Variants in BDH1 observed in about 807,000 individuals in gnomAD.
BDH1 encodes 3-hydroxybutyrate dehydrogenase 1, also known as D-beta-hydroxybutyrate dehydrogenase, mitochondrial.
BDH1 carries 30 observed loss-of-function variants against 33.1 expected under a neutral mutation model. The ratio of observed to expected loss-of-function variants is 0.91; its 90% CI spans 0.68 to 1.23. The LOEUF (loss-of-function observed/expected upper bound fraction) is 1.23, where lower values mean the gene tolerates loss of function less well. BDH1 is among the 50% of genes most tolerant of loss of function. BDH1 has a pLI of 0.00. For missense variants in BDH1, 443 were observed against 464.4 expected, an observed-to-expected ratio of 0.95 and a Z score of 0.42; for synonymous variants, 190 against 183.6, an observed-to-expected ratio of 1.03 and a Z score of -0.28.
rs1174885476 is a variant in BDH1, at chr3:197,516,192, C to G, written c.410-1776G>C. Among the ~76,000 whole-genome samples the G allele has an allele frequency of 6.6e-6, 1 of 152,332 alleles. No homozygotes were observed. Among genetic ancestry groups the G allele is most frequent in the East Asian group, 1.9e-4 (1 of 5,182 alleles). ...CCCAGATACAAGTGGCCCCCAATGT[C>G]CTGGCCTAATCCTGCTCCTCTCAAA... On this transcript the variant is annotated intron_variant, in intron 6 of 7. Transcript: ENST00000392379. This position sits in a 1 kb window ranked among gnomAD's most constrained non-coding sequence, Gnocchi z 4.2.
Position 197,561,881 on chromosome 3 carries a change from A to G in BDH1, c.-44+11300T>C, listed in dbSNP as rs1484733431. On this transcript the variant is annotated intron_variant, in intron 1 of 6. Transcript: ENST00000358186. The stretch of plus-strand genomic sequence containing the variant: ...ATTTCATTTACTTTTCTTCTACCCT[A>G]TACCTCCTTCCCCCTTTGCCATCTG... Among the ~76,000 whole-genome samples, 7 of 152,284 alleles carry G rather than the reference A, an allele frequency of 4.6e-5. No homozygotes were observed. In the South Asian group the frequency reaches 1.4e-3, roughly 32 times the overall value.
Position 197,514,942 on chromosome 3 carries a change from G to A in BDH1, c.410-526C>T, listed in dbSNP as rs1712531988. On this transcript the variant is annotated intron_variant, in intron 6 of 7. Transcript: ENST00000392379. The surrounding 1 kb of genome is among the most constrained non-coding windows in gnomAD (Gnocchi z 4.2). ...TTCAGTTTGTTGGGGTGCAAAGGCT[G>A]GATGGGTCAGAGCCTCAGGACAGAG... is the stretch of plus-strand genomic sequence containing the variant. Among the ~76,000 whole-genome samples the A allele has an allele frequency of 6.6e-6, 1 of 152,216 alleles. No homozygotes were observed. The highest frequency in any genetic ancestry group is 2.4e-5 in the African/African-American group (1 of 41,460).
chr3:197,549,166 G>C (rs1254527083), intron 2 of BDH1, among the ~76,000 whole-genome samples: 2 of 152,174 alleles, frequency 1.3e-5, no homozygotes, highest in African/African-American at 2.4e-5. Context: ...GTTGCCCTGA[G>C]GTGACTGAGC....
At chr3:197,553,273 G>T (rs958082400) in intron 2 of BDH1, among the ~76,000 whole-genome samples, 1 of 148,904 alleles carries the variant, frequency 6.7e-6, no homozygotes, top group Non-Finnish European at 1.5e-5. Flanking sequence ...GCTCACGCCT[G>T]TAATCCCAGC....
chr3:197,571,121 T>A (rs1311013635), intron 1 of BDH1, among the ~76,000 whole-genome samples: 2 of 152,258 alleles, frequency 1.3e-5, no homozygotes, highest in African/African-American at 4.8e-5. Context: ...TGGACTTTCA[T>A]GGAACCTTTG....
Position 197,516,591 on chromosome 3 carries a change from G to A in BDH1, c.410-2175C>T, listed in dbSNP as rs910767353. ...AGTGGCCCCTCAGTTCTCCTTGGGA[G>A]TCACGGCTCTCTCTCCTCATCCCAT... is the stretch of plus-strand genomic sequence containing the variant. On this transcript the variant is annotated intron_variant, in intron 6 of 7. Transcript: ENST00000392379. This position sits in a 1 kb window ranked among gnomAD's most constrained non-coding sequence, Gnocchi z 4.2. Among the ~76,000 whole-genome samples the A allele has an allele frequency of 2.0e-5, 3 of 152,058 alleles. No individual in the cohort carries two copies. Among genetic ancestry groups the A allele is most frequent in the African/African-American group, 7.2e-5 (3 of 41,384 alleles).
rs982393182 is a variant in BDH1, at chr3:197,520,427, G to A, written c.409+2213C>T. On this transcript the variant is annotated intron_variant, in intron 6 of 7. Coordinates refer to ENST00000392379, the MANE Select transcript of BDH1 (RefSeq NM_203314.3). This position sits in a 1 kb window ranked among gnomAD's most constrained non-coding sequence, Gnocchi z 6.0. Reference sequence around the variant, plus strand: ...TGCTGGGGTTGGAGCCCAGATCCCCGGGCAGGGGGTGAGTGCCTCCCCTCT... The same window carrying A: ...TGCTGGGGTTGGAGCCCAGATCCCCAGGCAGGGGGTGAGTGCCTCCCCTCT... 7.2e-5 allele frequency among the ~76,000 whole-genome samples: 11 copies of A among 152,210 alleles called. No homozygotes were observed. The highest frequency in any genetic ancestry group is 1.4e-4 in the African/African-American group (6 of 41,450).
rs1365605831 is a variant in BDH1, at chr3:197,555,921, C to T, written c.-336G>A. 1 of 152,308 alleles carries T rather than the reference C, an allele frequency of 6.6e-6. No homozygotes were observed. The highest frequency in any genetic ancestry group is 2.4e-5 in the African/African-American group (1 of 41,480). The allele number at this position is 152,308 out of a possible 1,614,324, so 9.4% of individuals were successfully genotyped here. ...CGCAGGGTCTTTCTGGAAGCCCCTCCACCAGCACTCCTGCGGCCTGCGGCC... is the reference window on the plus strand; with the variant it reads ...CGCAGGGTCTTTCTGGAAGCCCCTCTACCAGCACTCCTGCGGCCTGCGGCC... On this transcript the variant is annotated 5_prime_UTR_variant, in exon 1 of 8. Coordinates refer to ENST00000392379, the MANE Select transcript of BDH1 (RefSeq NM_203314.3).
At chr3:197,524,805 T>A (rs1713926294) in intron 5 of BDH1, among the ~76,000 whole-genome samples, 1 of 152,016 alleles carries the variant, frequency 6.6e-6, no homozygotes, top group Non-Finnish European at 1.5e-5. Context: ...ATCCCGGCAT[T>A]GGACAGGAGG....
chr3:197,549,975 T>TTATTTTTATATATATA (rs1553875236), intron 2 of BDH1, among the ~76,000 whole-genome samples: 20 of 146,886 alleles, frequency 1.4e-4, no homozygotes, highest in Non-Finnish European at 2.2e-4. Context: ...CAAATAACTA[T>TTATTTTTATATATATA]TATATATATA....
chr3:197,546,890 C>T lies in BDH1; in HGVS notation c.-43-404G>A, dbSNP rs192857160. Among the ~76,000 whole-genome samples, 84 of 152,334 alleles carry T rather than the reference C, an allele frequency of 5.5e-4. 1 individual carries two copies. The highest frequency in any genetic ancestry group is 2.1e-4 in the Non-Finnish European group (14 of 68,022). Reference sequence around the variant, plus strand: ...TTCCTCTAACCTGCTGAAACACCCACCTGTGGTGCCCCAGGGCATCAGCCT... The same window carrying T: ...TTCCTCTAACCTGCTGAAACACCCATCTGTGGTGCCCCAGGGCATCAGCCT... On this transcript the variant is annotated intron_variant, in intron 2 of 7. Transcript: ENST00000392379.
chr3:197,514,340 C>T lies in BDH1; in HGVS notation c.486G>A (p.Lys162=). The T allele has an allele frequency of 6.2e-7, 1 of 1,613,942 alleles. No homozygotes were observed. Among genetic ancestry groups the T allele is most frequent in the Non-Finnish European group, 8.5e-7 (1 of 1,179,900 alleles). Residue 162 remains lysine, a synonymous_variant, in exon 7 of 8, where the codon AAG becomes AAA. Coordinates refer to ENST00000392379, the MANE Select transcript of BDH1 (RefSeq NM_203314.3). This position sits in a 1 kb window ranked among gnomAD's most constrained non-coding sequence, Gnocchi z 4.2. The part of the protein sequence containing the change: ...EVEFTSLETY[K]QVAEVNLWGT... ...CCCAAAGGTTCACTTCTGCCACCTG[C>T]TTGTAGGTCTCCAGGCTGGTGAACT...
upstream of BDH1, among the ~76,000 whole-genome samples, chr3:197,560,436 C>T (rs111944024): frequency 4.8e-3 from 724 of 152,304 alleles, 5 homozygotes; most frequent in African/African-American, 0.015. Context: ...TCTGCCTTTG[C>T]CTCTTTTAAA....
Position 197,525,575 on chromosome 3 carries a change from G to A in BDH1, c.268-2794C>T, listed in dbSNP as rs957693727. On this transcript the variant is annotated intron_variant, in intron 5 of 7. Coordinates refer to ENST00000392379, the MANE Select transcript of BDH1 (RefSeq NM_203314.3). The surrounding 1 kb of genome is among the most constrained non-coding windows in gnomAD (Gnocchi z 4.9). The stretch of plus-strand genomic sequence containing the variant: ...TCACTGCCCACGGCTTCAGGCTCCC[G>A]AGGAGAGCAACGCTACCCTCCTATC... 2.0e-5 allele frequency among the ~76,000 whole-genome samples: 3 copies of A among 152,150 alleles called. No individual in the cohort carries two copies. Among genetic ancestry groups the A allele is most frequent in the Admixed American group, 6.5e-5 (1 of 15,272 alleles).
upstream of BDH1, among the ~76,000 whole-genome samples, chr3:197,558,966 A>C (rs1428245167): frequency 1.3e-5 from 2 of 151,780 alleles, no homozygotes; most frequent in Admixed American, 6.6e-5. Context: ...TTGCATCCAC[A>C]AAAGCCTGCT....
At chr3:197,552,901 A>G (rs1441152070) in intron 2 of BDH1, among the ~76,000 whole-genome samples, 1 of 152,216 alleles carries the variant, frequency 6.6e-6, no homozygotes. Context: ...TGCCCTGCAC[A>G]CAACAGACAC....
intron 2 of BDH1, 144 bp from the exon 3 acceptor site, chr3:197,546,630 A>T: frequency 3.5e-6 from 2 of 565,382 alleles, no homozygotes; most frequent in Non-Finnish European, 6.3e-6. Flanking sequence ...CAGGTAGTCC[A>T]CTCTGGTTCC....
chr3:197,564,033 C>T (rs906164862), intron 1 of BDH1, among the ~76,000 whole-genome samples: 2 of 139,338 alleles, frequency 1.4e-5, no homozygotes, highest in African/African-American at 2.7e-5. Flanking sequence ...ACCCAGGAAG[C>T]GGAGGTTGCA....
At chr3:197,531,062 G>A (rs971656349) in intron 5 of BDH1, among the ~76,000 whole-genome samples, 10 of 152,152 alleles carry the variant, frequency 6.6e-5, no homozygotes, top group South Asian at 2.1e-4. Context: ...ATAATACAGC[G>A]ATAAAGAAAA....
Sources: allele counts gnomAD v4.1 joint callset (sites outside exome capture counted in the v4.1 genomes callset), GRCh38; gene constraint gnomAD v4.1.1; non-coding constraint Gnocchi (gnomAD v3.1); transcripts MANE v1.5; gene names NCBI Gene and HGNC (gene_info 2026-07-23, HGNC 2026-07-21).